PLEKHG1: variants seen among roughly 807,000 people sequenced by gnomAD.
The protein encoded by PLEKHG1 is pleckstrin homology domain-containing family G member 1.
Under a neutral mutation model 100.8 loss-of-function variants are expected in PLEKHG1, and 44 were observed. The ratio of observed to expected loss-of-function variants is 0.44; its 90% confidence interval spans 0.34 to 0.56. The LOEUF is 0.56. Among genes scored for constraint, PLEKHG1 ranks in the 20% least tolerant of loss-of-function variants. The probability of loss-of-function intolerance (pLI) is 0.01; values close to 1 mark genes in which losing one functional copy is unlikely to be tolerated. For missense variants in PLEKHG1, 1,545 were observed against 1,720.9 expected (o/e 0.90, Z 1.81); for synonymous variants, 640 against 662.5 (o/e 0.97, Z 0.52).
chr6:150,835,763 C>T (rs1040901707), intron 15 of PLEKHG1, among the ~76,000 whole-genome samples: 6 of 152,146 alleles, frequency 3.9e-5, no homozygotes. Context: ...AGATGTCACA[C>T]AAGCTATAGA....
At chr6:150,658,612 G>T (rs961795327) in intron 3 of PLEKHG1, among the ~76,000 whole-genome samples, 1 of 152,074 alleles carries the variant, frequency 6.6e-6, no homozygotes, top group African/African-American at 2.4e-5. Context: ...CTCAATTGAG[G>T]ACTTCCAGTC....
intron 15 of PLEKHG1, among the ~76,000 whole-genome samples, chr6:150,833,805 A>G (rs951888569): frequency 4.6e-5 from 7 of 152,314 alleles, no homozygotes; most frequent in Admixed American, 1.3e-4. Flanking sequence ...TTCTACAATT[A>G]AAAGTGAAAG....
At chr6:150,756,836 T>C (rs768377725) in intron 2 of PLEKHG1, among the ~76,000 whole-genome samples, 42 of 152,202 alleles carry the variant, frequency 2.8e-4, no homozygotes, top group Non-Finnish European at 5.7e-4. Context: ...GAGTACGTAC[T>C]GTATGCAGAC....
intron 1 of PLEKHG1, among the ~76,000 whole-genome samples, chr6:150,636,632 A>T (rs1778012896): frequency 6.6e-6 from 1 of 152,120 alleles, no homozygotes; most frequent in African/African-American, 2.4e-5. Flanking sequence ...ATCAGAGTTT[A>T]GATAAAAATC....
chr6:150,833,735 G>A (rs892105228), intron 15 of PLEKHG1, among the ~76,000 whole-genome samples: 4 of 152,258 alleles, frequency 2.6e-5, no homozygotes, highest in African/African-American at 7.2e-5. Flanking sequence ...CATATTTTAA[G>A]AAATCCTGCC....
rs530306510 is a variant in PLEKHG1, at chr6:150,670,459, G to A, written c.-99+19673G>A. On this transcript the variant is annotated intron_variant, in intron 3 of 3. Transcript: ENST00000367326. Reference sequence around the variant, plus strand: ...AAGGACAACATCGAAGCCCTGAGCAGGGCAGCCACCTACGCTACACAGCCG... The same window carrying A: ...AAGGACAACATCGAAGCCCTGAGCAAGGCAGCCACCTACGCTACACAGCCG... Among the ~76,000 whole-genome samples the A allele has an allele frequency of 2.6e-5, 4 of 152,330 alleles. No individual in the cohort carries two copies. In the East Asian group the frequency reaches 5.8e-4, roughly 22 times the overall value.
At chr6:150,704,941 A>G (rs1780944677) in intron 3 of PLEKHG1, among the ~76,000 whole-genome samples, 1 of 152,192 alleles carries the variant, frequency 6.6e-6, no homozygotes, top group East Asian at 1.9e-4. Context: ...CTCTTCCTAT[A>G]GGGACACCAG....
In PLEKHG1 at chr6:150,600,995, C is replaced by T; in HGVS notation, c.-204+978C>T. ...AATCACCGAGTGTGGGTGTTTGGGG[C>T]AGGTATCACCCCGCGAGGACCATCT... On this transcript the variant is annotated intron_variant, in intron 1 of 3. Coordinates refer to the PLEKHG1 transcript ENST00000367326. This position sits in a 1 kb window ranked among gnomAD's most constrained non-coding sequence, Gnocchi z 6.2. 6.6e-6 allele frequency: 1 copy of T among 152,228 alleles called. No homozygotes were observed. The highest frequency in any genetic ancestry group is 1.9e-4 in the East Asian group (1 of 5,182). The allele number at this position is 152,228 out of a possible 1,614,324, so 9.4% of individuals were successfully genotyped here. A position where few individuals can be genotyped will look rare whatever the true frequency, so the allele number is the denominator to read the frequency against.
At chr6:150,766,269 C>T (rs1322810177) in intron 2 of PLEKHG1, among the ~76,000 whole-genome samples, 1 of 152,180 alleles carries the variant, frequency 6.6e-6, no homozygotes, top group Non-Finnish European at 1.5e-5. Context: ...TTGTTAACAG[C>T]AGGGTAACCA....
At chr6:150,778,732 A>G (rs1292028842) in intron 3 of PLEKHG1, among the ~76,000 whole-genome samples, 2 of 152,162 alleles carry the variant, frequency 1.3e-5, no homozygotes, top group Admixed American at 6.5e-5. Context: ...GCAATTGCTT[A>G]TTGAATAGCA....
chr6:150,683,446 T>A lies in PLEKHG1; in HGVS notation c.-99+32660T>A, dbSNP rs1780000799. 6.6e-6 allele frequency among the ~76,000 whole-genome samples: 1 copy of A among 152,062 alleles called. No homozygotes were observed. The highest frequency in any genetic ancestry group is 1.5e-5 in the Non-Finnish European group (1 of 67,992). On this transcript the variant is annotated intron_variant, in intron 3 of 3. Transcript: ENST00000367326. The surrounding 1 kb of genome is among the most constrained non-coding windows in gnomAD (Gnocchi z 4.0). ...GGCTCACTGTTGAGCTGCTTCCCTT[T>A]GCATCTCGGGGGAAGGTGTGGTTCA...
At chr6:150,743,463 T>G (rs1583041372) in intron 2 of PLEKHG1, among the ~76,000 whole-genome samples, 1 of 151,680 alleles carries the variant, frequency 6.6e-6, no homozygotes. Flanking sequence ...GAGGTGGAGG[T>G]TGCAGTAAGC....
intron 2 of PLEKHG1, among the ~76,000 whole-genome samples, chr6:150,650,326 TTC>T (rs1198642408): frequency 6.6e-6 from 1 of 152,174 alleles, no homozygotes; most frequent in Non-Finnish European, 1.5e-5. Flanking sequence ...GCCTCGCGTT[TTC>T]TCTCTCCTTT....
chr6:150,714,097 T>G (rs1781336011), intron 3 of PLEKHG1, among the ~76,000 whole-genome samples: 1 of 152,202 alleles, frequency 6.6e-6, no homozygotes, highest in African/African-American at 2.4e-5. Context: ...GGATTAGATG[T>G]GTGTTATCTC....
At chr6:150,796,138 A>C (rs891066265) in intron 5 of PLEKHG1, among the ~76,000 whole-genome samples, 7 of 152,198 alleles carry the variant, frequency 4.6e-5, no homozygotes, top group African/African-American at 1.4e-4. Context: ...TCTATGGAGA[A>C]ACCAAAAAGA....
intron 2 of PLEKHG1, among the ~76,000 whole-genome samples, chr6:150,642,665 A>G (rs146876518): frequency 1.8e-4 from 27 of 152,236 alleles, no homozygotes; most frequent in African/African-American, 5.3e-4. Context: ...ATCTGTCCCA[A>G]TCATGGCTGC....
chr6:150,707,100 G>C (rs1442528680), intron 3 of PLEKHG1, among the ~76,000 whole-genome samples: 1 of 145,170 alleles, frequency 6.9e-6, no homozygotes, highest in South Asian at 2.2e-4. Context: ...TGCCTCCCAG[G>C]TTCAAGCGAT....
chr6:150,679,299 T>A (rs1779860674), intron 3 of PLEKHG1, among the ~76,000 whole-genome samples: 1 of 152,244 alleles, frequency 6.6e-6, no homozygotes, highest in Non-Finnish European at 1.5e-5. Flanking sequence ...TCCAAAGAGA[T>A]ATTTAGTTAT....
intron 7 of PLEKHG1, 138 bp downstream of exon 8, chr6:150,804,879 G>T: frequency 1.5e-6 from 1 of 688,502 alleles, no homozygotes. Flanking sequence ...AAAAGTTCAG[G>T]ACATCAGTAA....
Sources: allele counts gnomAD v4.1 joint callset (sites outside exome capture counted in the v4.1 genomes callset), GRCh38; gene constraint gnomAD v4.1.1; non-coding constraint Gnocchi (gnomAD v3.1); transcripts MANE v1.5; gene names NCBI Gene and HGNC (gene_info 2026-07-23, HGNC 2026-07-21).